NLRC5: variants seen among roughly 807,000 people sequenced by gnomAD.
NLRC5 encodes NLR family CARD domain containing 5, also known as protein NLRC5.
NLRC5 carries 114 observed loss-of-function variants against 206.9 expected under a neutral mutation model. The ratio of observed to expected loss-of-function variants is 0.55; its 90% CI spans 0.47 to 0.64. The LOEUF (loss-of-function observed/expected upper bound fraction) is 0.64. Ranked by LOEUF, NLRC5 falls within the 30% of genes least tolerant of loss-of-function variation. The pLI is 0.00. For synonymous variants in NLRC5, 952 were observed against 962.8 expected (o/e 0.99, Z 0.21); for missense variants, 2,008 against 2,305.5 (o/e 0.87, Z 2.64).
chr16:57,055,534 G>A lies in NLRC5; in HGVS notation c.3746+15G>A. ...AGCCAGGTGGAGTAAGTTGAGGGAG[G>A]AGGAGGAAGGAGAGGAGCATGGACG... On this transcript the variant is annotated intron_variant, in intron 27 of 48. Coordinates refer to ENST00000688547, the MANE Select transcript of NLRC5 (RefSeq NM_001384950.1). The A allele has an allele frequency of 6.2e-7, 1 of 1,607,240 alleles. No individual in the cohort carries two copies. The highest frequency in any genetic ancestry group is 1.1e-5 in the South Asian group (1 of 90,846).
chr16:56,998,907 C>T (rs75378421), intron 1 of NLRC5, among the ~76,000 whole-genome samples: 6,814 of 152,306 alleles, frequency 0.045, 252 homozygotes, highest in South Asian at 0.16. Flanking sequence ...TTATCCAAGA[C>T]TCTGTGTGTC....
intron 43 of NLRC5, among the ~76,000 whole-genome samples, chr16:57,078,490 T>TTTTTTA: frequency 7.1e-6 from 1 of 140,474 alleles, no homozygotes; most frequent in East Asian, 2.0e-4. Context: ...TTTTTTTTTT[T>TTTTTTA]AGATGGAGTC....
intron 1 of NLRC5, among the ~76,000 whole-genome samples, chr16:57,006,888 C>CATTATTATTATT (rs9302685): frequency 0.46 from 65,751 of 143,700 alleles, 15,543 homozygotes; most frequent in Non-Finnish European, 0.52. Context: ...ACCGTTAACA[C>CATTATTATTATT]ATTATTATTA....
chr16:57,028,570 C>T (rs192605675), intron 8 of NLRC5, among the ~76,000 whole-genome samples, 185 bp downstream of exon 8: 1 of 152,156 alleles, frequency 6.6e-6, no homozygotes, highest in African/African-American at 2.4e-5. Flanking sequence ...CCCAGAGTCC[C>T]CAGAGCAAGG....
chr16:57,006,218 C>G (rs905849019), intron 1 of NLRC5, among the ~76,000 whole-genome samples: 1 of 151,880 alleles, frequency 6.6e-6, no homozygotes, highest in African/African-American at 2.4e-5. Flanking sequence ...AGGCTCGTCT[C>G]AAACTCCTGA....
intron 27 of NLRC5, among the ~76,000 whole-genome samples, chr16:57,057,763 T>C (rs1030210011): frequency 2.6e-5 from 4 of 152,094 alleles, no homozygotes; most frequent in East Asian, 1.9e-4. Flanking sequence ...GCAGAGAACG[T>C]AGGAGTTGCT....
intron 1 of NLRC5, among the ~76,000 whole-genome samples, chr16:57,015,583 C>T (rs1212615531): frequency 6.9e-6 from 1 of 144,094 alleles, no homozygotes; most frequent in African/African-American, 2.6e-5. Context: ...AAGACCCTGT[C>T]TCTTAAAAAA....
chr16:57,080,935 C>A lies in NLRC5; in HGVS notation c.5322-163C>A, dbSNP rs963854713. 6.7e-6 allele frequency: 4 copies of A among 596,220 alleles called. No homozygotes were observed. The Admixed American group carries it at 8.9e-5, about 13-fold the overall frequency. 36.9% of individuals were successfully genotyped at this position (596,220 alleles called of 1,614,324 possible). A position where few individuals can be genotyped will look rare whatever the true frequency, so the allele number is the denominator to read the frequency against. Reference sequence around the variant, plus strand: ...GAGCAGGGAGGAAGGTAACCTGCACCCTGACGTCTTCAGGGGAGGACACAC... The same window carrying A: ...GAGCAGGGAGGAAGGTAACCTGCACACTGACGTCTTCAGGGGAGGACACAC... On this transcript the variant is annotated intron_variant, in intron 46 of 48. Transcript: ENST00000688547.
intron 24 of NLRC5, chr16:57,053,157 T>C (rs987654991): frequency 1.3e-5 from 2 of 152,214 alleles, no homozygotes; most frequent in African/African-American, 4.8e-5. Flanking sequence ...AAGAGAATTT[T>C]CTCGGGATGT....
At chr16:57,050,070 T>G in intron 23 of NLRC5, among the ~76,000 whole-genome samples, 1 of 149,022 alleles carries the variant, frequency 6.7e-6, no homozygotes, top group African/African-American at 2.5e-5. Flanking sequence ...GGGCATACCA[T>G]GTGGGATGTG....
rs2145087869 is a variant in NLRC5 at position 57,077,656 on chromosome 16, G to C, written c.4920-63G>C. 3 of 1,468,900 alleles carry C rather than the reference G, an allele frequency of 2.0e-6. No individual in the cohort carries two copies. The South Asian group carries it at 4.0e-5, about 20-fold the overall frequency. 91.0% of individuals were successfully genotyped at this position (1,468,900 alleles called of 1,614,324 possible). A position where few individuals can be genotyped will look rare whatever the true frequency, so the allele number is the denominator to read the frequency against. On this transcript the variant is annotated intron_variant, in intron 41 of 48. Transcript: ENST00000688547. ...TGAAGCAGGGGTGGCAGACCCAGCA[G>C]ATGTGCTGGGGTGTCGGGGAGAGGG...
At position 57,054,826 on chromosome 16, in the gene NLRC5, A is replaced by G. The variant is rs1597377096; in HGVS notation, c.3582A>G (p.Lys1194=). The change falls in exon 25 of 49, where the codon AAA becomes AAG. Residue 1194 remains lysine (K), a synonymous_variant. Coordinates refer to ENST00000688547, the MANE Select transcript of NLRC5 (RefSeq NM_001384950.1). ...ANTLSLCPRV[K]KVDLRSLHHA... is the part of the protein sequence containing the mutation. ...CCTTAAGCCTGTGTCCACGGGTTAAAAAGGTGGATCTCAGGTGGGCATTCC... is the reference window on the plus strand; with the variant it reads ...CCTTAAGCCTGTGTCCACGGGTTAAGAAGGTGGATCTCAGGTGGGCATTCC... 8 of 1,614,232 alleles carry G rather than the reference A, an allele frequency of 5.0e-6. No individual in the cohort carries two copies. The East Asian group carries it at 1.8e-4, about 36-fold the overall frequency.
chr16:56,992,208 C>A (rs2142079961), intron 1 of NLRC5: 1 of 152,334 alleles, frequency 6.6e-6, no homozygotes, highest in East Asian at 1.9e-4. Flanking sequence ...AGACTCTGAC[C>A]TCCAGAACTG....
chr16:57,029,851 G>A lies in NLRC5; in HGVS notation c.2322G>A (p.Lys774=), dbSNP rs2061608574. 1.2e-6 allele frequency: 2 copies of A among 1,614,056 alleles called. No homozygotes were observed. The highest frequency in any genetic ancestry group is 1.7e-6 in the Non-Finnish European group (2 of 1,179,900). Residue 774 remains lysine (K), a synonymous_variant, in exon 9 of 49, where the codon AAG becomes AAA. Transcript: ENST00000688547. ...TCCCTCACCTACCACGGCTCCGGAAGCTTGAGTAAGTGATCTTTCCACTGC... is the reference window on the plus strand; with the variant it reads ...TCCCTCACCTACCACGGCTCCGGAAACTTGAGTAAGTGATCTTTCCACTGC... ...EVLPHLPRLR[K]LDLSSNSICV... is the part of the protein sequence containing the mutation.
intron 16 of NLRC5, 111 bp from the exon 17 acceptor site, chr16:57,040,539 T>C (rs289726): frequency 0.6 from 622,226 of 1,031,088 alleles, 191,678 homozygotes; most frequent in Non-Finnish European, 0.65. Flanking sequence ...CAAGGTCTGA[T>C]TGACTCTAGG....
intron 1 of NLRC5, among the ~76,000 whole-genome samples, chr16:57,012,647 T>C (rs1185175294): frequency 6.6e-6 from 1 of 152,194 alleles, no homozygotes; most frequent in Non-Finnish European, 1.5e-5. Context: ...AATCTAATGA[T>C]AAATGTAATG....
Position 56,989,582 on chromosome 16 carries a change from C to G in NLRC5, c.-163C>G, listed in dbSNP as rs1454431533. The G allele has an allele frequency of 6.5e-6, 1 of 152,892 alleles. No individual in the cohort carries two copies. Among genetic ancestry groups the G allele is most frequent in the Non-Finnish European group, 1.5e-5 (1 of 68,652 alleles). The allele number at this position is 152,892 out of a possible 1,614,324, so 9.5% of individuals were successfully genotyped here. The stretch of plus-strand genomic sequence containing the variant: ...AGTTTCGTGCAGAGCGCGGAGGAGC[C>G]GCGAGCGCTGAGGGTGAGTGCCGGG... On this transcript the variant is annotated 5_prime_UTR_variant, in exon 1 of 49. Coordinates refer to ENST00000688547, the MANE Select transcript of NLRC5 (RefSeq NM_001384950.1).
intron 38 of NLRC5, among the ~76,000 whole-genome samples, chr16:57,071,036 G>GT (rs1434084153): frequency 1.3e-5 from 1 of 77,940 alleles, no homozygotes; most frequent in Non-Finnish European, 3.0e-5. Context: ...TAATGGGGAA[G>GT]GGGGTGAGTG....
intron 20 of NLRC5, 54 bp from the exon 21 acceptor site, chr16:57,045,394 C>G (rs1597336375): frequency 6.2e-7 from 1 of 1,602,964 alleles, no homozygotes; most frequent in Non-Finnish European, 8.5e-7. Flanking sequence ...TTGCCACTGC[C>G]AGGGAAGTTG....
Sources: gnomAD v4.1 joint callset for allele counts (sites outside exome capture counted in the v4.1 genomes callset) on GRCh38, gnomAD v4.1.1 for gene constraint, MANE v1.5 for transcripts, NCBI Gene and HGNC (gene_info 2026-07-23, HGNC 2026-07-21) for gene names.